MAMDC4: variants seen among roughly 807,000 people sequenced by gnomAD.
The protein encoded by MAMDC4 is MAM domain containing 4.
Under a neutral mutation model 153.3 loss-of-function variants are expected in MAMDC4, and 168 were observed. That is an observed-to-expected ratio of 1.10 (90% confidence interval 0.97 to 1.25). The LOEUF (loss-of-function observed/expected upper bound fraction) is 1.25, where lower values mean the gene tolerates loss of function less well. Among genes scored for constraint, MAMDC4 ranks in the 50% most tolerant of loss-of-function variants. The pLI, the probability that MAMDC4 is intolerant of heterozygous loss-of-function variation, is 0.00. For missense variants in MAMDC4, 1,701 were observed against 1,542.8 expected (o/e 1.10, Z -1.72); for synonymous variants, 744 against 651.5 (o/e 1.14, Z -2.16).
chr9:136,855,225 G>C (rs779406834), intron 10 of MAMDC4, 29 bp from the exon 11 acceptor site: 10 of 1,577,332 alleles, frequency 6.3e-6, no homozygotes, highest in Non-Finnish European at 8.6e-6. Flanking sequence ...GAAATAGGCT[G>C]GGCACCCCCT....
chr9:136,856,534 T>C (rs755618179), intron 14 of MAMDC4, 176 bp from the exon 15 acceptor site: 1 of 800,514 alleles, frequency 1.2e-6, no homozygotes. Flanking sequence ...AACGTGACCC[T>C]GAGGGACTGT....
In MAMDC4 at chr9:136,859,285, G is replaced by A; in HGVS notation, c.3161G>A (p.Gly1054Glu). Residue 1054 changes from glycine to glutamate, a missense_variant, in exon 25 of 27, where the codon GGG (glycine) becomes GAG (glutamate). Coordinates refer to ENST00000317446, the MANE Select transcript of MAMDC4 (RefSeq NM_206920.3). ...IALDDVEYLA[G>E]QHCQQPAPSP... is the part of the protein sequence containing the mutation. ...CTGGATGACGTGGAGTATCTGGCTG[G>A]GCAGCATTGCCAGCAGCCTGCCCCC... The A allele has an allele frequency of 6.2e-7, 1 of 1,611,844 alleles. No homozygotes were observed. The highest frequency in any genetic ancestry group is 8.5e-7 in the Non-Finnish European group (1 of 1,179,436).
rs1254972887 is a variant in MAMDC4 at position 136,856,160 on chromosome 9, A to G, written c.1720+11A>G. 6.2e-7 allele frequency: 1 copy of G among 1,611,406 alleles called. No homozygotes were observed. Among genetic ancestry groups the G allele is most frequent in the Non-Finnish European group, 8.5e-7 (1 of 1,179,290 alleles). On this transcript the variant is annotated intron_variant, in intron 14 of 26. Coordinates refer to ENST00000317446, the MANE Select transcript of MAMDC4 (RefSeq NM_206920.3). ...AGAGCCAGCCCCGAGGTACCGCCAC[A>G]CTCCGCAAGTTCCCTGGCCAGCCCC... is the stretch of plus-strand genomic sequence containing the variant.
rs1849060499 is a variant in MAMDC4 at position 136,859,875 on chromosome 9, A to G, written c.3194-11A>G. 2.5e-6 allele frequency: 4 copies of G among 1,611,052 alleles called. No homozygotes were observed. The highest frequency in any genetic ancestry group is 2.5e-6 in the Non-Finnish European group (3 of 1,179,804). On this transcript the variant is annotated splice_polypyrimidine_tract_variant and intron_variant, in intron 25 of 26. Transcript: ENST00000317446. ...TGCTTTGGAGGGCTCACATGTCCCT[A>G]TGGCCCACAGGGAACACAGCCGCAC... is the stretch of plus-strand genomic sequence containing the variant.
In MAMDC4 at chr9:136,856,917, G is replaced by A; in HGVS notation, c.1848G>A (p.Val616=). The change falls in exon 16 of 27, where the codon GTG becomes GTA. Residue 616 remains valine (V), a synonymous_variant. Transcript: ENST00000317446. ...CCATGCCCCCTGCAGGCCACTTTGT[G>A]CTCCTGGACCCCACAGACCCCCTGG... is the stretch of plus-strand genomic sequence containing the variant. The part of the protein sequence containing the change: ...HDHTTGQGHF[V]LLDPTDPLAW... 1 of 1,609,090 alleles carries A rather than the reference G, an allele frequency of 6.2e-7. No individual in the cohort carries two copies. The highest frequency in any genetic ancestry group is 8.5e-7 in the Non-Finnish European group (1 of 1,177,182).
At chr9:136,853,950 G>T in intron 5 of MAMDC4, 42 bp from the exon 6 acceptor site, 2 of 1,612,742 alleles carry the variant, frequency 1.2e-6, no homozygotes, top group Non-Finnish European at 1.7e-6. Context: ...TTGAGGAGGG[G>T]TCTGGGCCCT....
In MAMDC4 at chr9:136,856,102, C is replaced by G. The variant is rs74827372; in HGVS notation, c.1673C>G (p.Pro558Arg). The G allele has an allele frequency of 1.2e-6, 2 of 1,612,510 alleles. No homozygotes were observed. The highest frequency in any genetic ancestry group is 1.7e-4 in the Middle Eastern group (1 of 6,058). The part of the protein sequence containing the change: ...VLTPLLGPSG[P>R]SCELHLAYYL... ...ACACCCCTCCTTGGCCCTTCTGGCC[C>G]CAGCTGTGAACTCCACCTGGCTTAT... Residue 558 changes from proline to arginine, a missense_variant, in exon 14 of 27, where the codon CCC becomes CGC. Coordinates refer to ENST00000317446, the MANE Select transcript of MAMDC4 (RefSeq NM_206920.3).
Position 136,859,990 on chromosome 9 carries a change from A to G in MAMDC4, c.3298A>G (p.Lys1100Glu). 1 of 1,612,390 alleles carries G rather than the reference A, an allele frequency of 6.2e-7. No homozygotes were observed. Among genetic ancestry groups the G allele is most frequent in the Non-Finnish European group, 8.5e-7 (1 of 1,179,622 alleles). Residue 1100 changes from lysine to glutamate, a missense_variant, in exon 26 of 27, where the codon AAG (lysine) becomes GAG (glutamate). Transcript: ENST00000317446. ...LGLGGRRWLQ[K>E]KGSCPFQSNT... Reference sequence around the variant, plus strand: ...ACTTGGGGGACGGCGCTGGCTGCAGAAGAAGGGGAGCTGCCCCTTCCAGAG... The same window carrying G: ...ACTTGGGGGACGGCGCTGGCTGCAGGAGAAGGGGAGCTGCCCCTTCCAGAG...
rs779507576 is a variant in MAMDC4 at position 136,854,284 on chromosome 9, C to T, written c.744C>T (p.Cys248=). 1.0e-5 allele frequency: 16 copies of T among 1,606,008 alleles called. No homozygotes were observed. The highest frequency in any genetic ancestry group is 1.7e-4 in the Middle Eastern group (1 of 6,054). The part of the protein sequence containing the change: ...NKVCVEPQQL[C]DGEDNCGDLS... ...TCTGCGTGGAGCCCCAGCAGCTGTGCGACGGGGAAGACAACTGCGGGGACC... is the reference window on the plus strand; with the variant it reads ...TCTGCGTGGAGCCCCAGCAGCTGTGTGACGGGGAAGACAACTGCGGGGACC... Residue 248 remains cysteine, a synonymous_variant, in exon 7 of 27, where the codon TGC becomes TGT. Transcript: ENST00000317446.
Position 136,854,978 on chromosome 9 carries a change from C to T in MAMDC4, c.1065C>T (p.Cys355=). 1.9e-6 allele frequency: 3 copies of T among 1,605,982 alleles called. No individual in the cohort carries two copies. Among genetic ancestry groups the T allele is most frequent in the Middle Eastern group, 1.7e-4 (1 of 5,818 alleles). The change falls in exon 10 of 27, where the codon TGC becomes TGT. Residue 355 remains cysteine (C), a synonymous_variant. Coordinates refer to ENST00000317446, the MANE Select transcript of MAMDC4 (RefSeq NM_206920.3). ...ACCTGAGTGGGTCTGAGGCTGGCTG[C>T]CTCCAGCTGTTCCTGCAGACTCTGG... is the stretch of plus-strand genomic sequence containing the variant. ...YQYLSGSEAG[C]LQLFLQTLGP... is the part of the protein sequence containing the mutation.
Position 136,860,778 on chromosome 9 carries a change from C to T in MAMDC4, c.*175C>T, listed in dbSNP as rs929818683. On this transcript the variant is annotated 3_prime_UTR_variant, in exon 27 of 27. Coordinates refer to ENST00000317446, the MANE Select transcript of MAMDC4 (RefSeq NM_206920.3). ...CTCTGTTGCTCTGTGAATAAACACC[C>T]TGGCCCATGAGGGCAGCCCAAGCTC... The T allele has an allele frequency of 1.5e-6, 1 of 656,344 alleles. No homozygotes were observed. The highest frequency in any genetic ancestry group is 2.6e-6 in the Non-Finnish European group (1 of 389,208). The allele number at this position is 656,344 out of a possible 1,614,324, so 40.7% of individuals were successfully genotyped here.
At chr9:136,860,418 G>A (rs1849071306) in intron 26 of MAMDC4, 144 bp from the exon 27 acceptor site, 1 of 865,880 alleles carries the variant, frequency 1.2e-6, no homozygotes, top group East Asian at 2.7e-5. Context: ...CTACTCGGGA[G>A]GCTGAGGCAG....
At chr9:136,856,274 G>T (rs750451222) in intron 14 of MAMDC4, 125 bp downstream of exon 14, 1 of 1,489,922 alleles carries the variant, frequency 6.7e-7, no homozygotes, top group Non-Finnish European at 9.4e-7. Context: ...GGCACTAGTT[G>T]TGGTGGACAA....
rs1265337098 is a variant in MAMDC4, at chr9:136,858,403, C to T, written c.2678C>T (p.Ser893Phe). Residue 893 changes from serine (S) to phenylalanine (F), a missense_variant, in exon 22 of 27, where the codon TCC (serine) becomes TTC (phenylalanine). Ser to Phe is a radical substitution (Grantham distance 155). Transcript: ENST00000317446. ...CTCACCCACCCATGTCCTGCAGGTT[C>T]CTGTGATTTTGAGTCTGGCCTGTGT... The part of the protein sequence containing the change: ...LQDGPCPQPG[S>F]CDFESGLCGW... 5 of 1,602,554 alleles carry T rather than the reference C, an allele frequency of 3.1e-6. No homozygotes were observed. Among genetic ancestry groups the T allele is most frequent in the Non-Finnish European group, 4.2e-6 (5 of 1,179,842 alleles).
At chr9:136,856,575 G>T in intron 14 of MAMDC4, 135 bp from the exon 15 acceptor site, 1 of 861,170 alleles carries the variant, frequency 1.2e-6, no homozygotes, top group South Asian at 1.3e-5. Context: ...GAGAGACAGA[G>T]GTTCCTGCTG....
In MAMDC4 at chr9:136,853,981, G is replaced by A. The variant is rs555361951; in HGVS notation, c.586-11G>A. 2.5e-6 allele frequency: 4 copies of A among 1,612,846 alleles called. No homozygotes were observed. Among genetic ancestry groups the A allele is most frequent in the East Asian group, 2.2e-5 (1 of 44,892 alleles). ...GCCCTGACTTAGGTCCTAAGAGCCT[G>A]TTCTCTTCAGGTGACCTTCTCTGCC... On this transcript the variant is annotated splice_polypyrimidine_tract_variant and intron_variant, in intron 5 of 26. Coordinates refer to ENST00000317446, the MANE Select transcript of MAMDC4 (RefSeq NM_206920.3).
chr9:136,855,632 A>G lies in MAMDC4; in HGVS notation c.1471+13A>G, dbSNP rs781746514. On this transcript the variant is annotated intron_variant, in intron 12 of 26. Transcript: ENST00000317446. ...GAGCAGGCCTGTGGTAAAGGGGCTC[A>G]ACCTCCTGCAGACCTCCTGCTGCGG... The G allele has an allele frequency of 8.9e-6, 14 of 1,569,024 alleles. No individual in the cohort carries two copies. Among genetic ancestry groups the G allele is most frequent in the Non-Finnish European group, 1.2e-5 (14 of 1,155,940 alleles).
chr9:136,855,908 G>T (rs776422029), intron 13 of MAMDC4, 60 bp downstream of exon 13: 2 of 1,498,046 alleles, frequency 1.3e-6, no homozygotes, highest in Admixed American at 2.3e-5. Flanking sequence ...TCCTCAGAGG[G>T]GTCTCTGCTC....
At chr9:136,860,154 G>A (rs1429065756) in intron 26 of MAMDC4, 90 bp downstream of exon 26, 5 of 1,394,698 alleles carry the variant, frequency 3.6e-6, no homozygotes, top group Non-Finnish European at 4.8e-6. Context: ...ACCCCCCGGG[G>A]AGGAGCCCCC....
Sources: allele counts gnomAD v4.1 joint callset, GRCh38; gene constraint gnomAD v4.1.1; transcripts MANE v1.5; gene names NCBI Gene and HGNC (gene_info 2026-07-23, HGNC 2026-07-21).